The following GSTM5 variants were observed in gnomAD, a reference collection of about 807,000 sequenced individuals.
GSTM5 encodes the protein glutathione S-transferase mu 5.
A neutral mutation model predicts 29.0 loss-of-function variants in GSTM5; 24 were observed. The observed-to-expected ratio is 0.83, with a 90% CI of 0.60 to 1.16. The LOEUF (loss-of-function observed/expected upper bound fraction) is 1.16. Ranked by LOEUF, GSTM5 falls within the 50% of genes most tolerant of loss-of-function variation. The pLI is 0.00. For missense variants in GSTM5, 290 were observed against 263.0 expected (o/e 1.10, Z -0.71); for synonymous variants, 91 against 93.6 (o/e 0.97, Z 0.16).
At chr1:109,713,845 A>G (rs959412127) in intron 5 of GSTM5, 84 bp downstream of exon 5, 2 of 1,018,024 alleles carry the variant, frequency 2.0e-6, no homozygotes, top group African/African-American at 3.3e-5. Context: ...TCAGGTCTGT[A>G]GCAGACTCCG....
At position 109,717,733 on chromosome 1, in the gene GSTM5, TCTCTG is replaced by T. The variant is rs1648802893; in HGVS notation, c.*308_*312del. On this transcript the variant is annotated 3_prime_UTR_variant, in exon 8 of 8. Coordinates refer to ENST00000256593, the MANE Select transcript of GSTM5 (RefSeq NM_000851.4). ...TCTCTTCTTTGAGAAGCCAGACTGA[TCTCTG>T]AGCTCCCTAGCACTGTCCTCAAAGA... 2 of 352,950 alleles carry T rather than the reference TCTCTG, an allele frequency of 5.7e-6. No homozygotes were observed. Among genetic ancestry groups the T allele is most frequent in the African/African-American group, 4.2e-5 (2 of 47,208 alleles). The allele number at this position is 352,950 out of a possible 1,614,324, so 21.9% of individuals were successfully genotyped here. A position where few individuals can be genotyped will look rare whatever the true frequency, so the allele number is the denominator to read the frequency against.
At chr1:109,714,841 A>G in intron 5 of GSTM5, 106 bp from the exon 6 acceptor site, 1 of 1,028,940 alleles carries the variant, frequency 9.7e-7, no homozygotes, top group Middle Eastern at 2.9e-4. Context: ...TGTGGGGAAG[A>G]TGGCTGCTTG....
At chr1:109,712,390 C>G in intron 1 of GSTM5, 42 bp downstream of exon 1, 1 of 1,477,422 alleles carries the variant, frequency 6.8e-7, no homozygotes, top group Non-Finnish European at 9.2e-7. Flanking sequence ...GGGGCGGAGG[C>G]GGGGATGTGT....
chr1:109,717,321 T>C lies in GSTM5; in HGVS notation c.568-16T>C, dbSNP rs767522090. 6.2e-7 allele frequency: 1 copy of C among 1,607,262 alleles called. No individual in the cohort carries two copies. The highest frequency in any genetic ancestry group is 1.3e-5 in the African/African-American group (1 of 74,886). ...AGACAGCAGACCTGGCTCTGGCCCCTTCTTCCCGCCCTCAGGGTTTGAAGA... is the reference window on the plus strand; with the variant it reads ...AGACAGCAGACCTGGCTCTGGCCCCCTCTTCCCGCCCTCAGGGTTTGAAGA... On this transcript the variant is annotated splice_polypyrimidine_tract_variant and intron_variant, in intron 7 of 7. Coordinates refer to ENST00000256593, the MANE Select transcript of GSTM5 (RefSeq NM_000851.4).
At chr1:109,715,907 T>G in intron 7 of GSTM5, 1 of 738,298 alleles carries the variant, frequency 1.4e-6, no homozygotes, top group South Asian at 1.4e-5. Context: ...CTTCCTCTCT[T>G]TTTTTCCCTC....
Position 109,717,724 on chromosome 1 carries a change from C to T in GSTM5, c.*298C>T. ...CAGTGCTTTTCTCTTCTTTGAGAAG[C>T]CAGACTGATCTCTGAGCTCCCTAGC... On this transcript the variant is annotated 3_prime_UTR_variant, in exon 8 of 8. Transcript: ENST00000256593. 2 of 360,732 alleles carry T rather than the reference C, an allele frequency of 5.5e-6. No homozygotes were observed. Among genetic ancestry groups the T allele is most frequent in the South Asian group, 4.9e-5 (2 of 41,210 alleles). The allele number at this position is 360,732 out of a possible 1,614,324, so 22.3% of individuals were successfully genotyped here.
At chr1:109,713,830 C>T in intron 5 of GSTM5, 69 bp downstream of exon 5, 2 of 1,361,518 alleles carry the variant, frequency 1.5e-6, no homozygotes, top group Non-Finnish European at 2.1e-6. Flanking sequence ...GAGGGACTTC[C>T]AAAGTCAGGT....
intron 2 of GSTM5, chr1:109,712,917 C>T (rs1189649889): frequency 1.2e-6 from 1 of 856,024 alleles, no homozygotes; most frequent in African/African-American, 1.7e-5. Flanking sequence ...TCAGAGCTTC[C>T]CTAAACCCTG....
intron 7 of GSTM5, chr1:109,715,955 C>T (rs1451020902): frequency 1.8e-5 from 16 of 902,330 alleles, no homozygotes; most frequent in African/African-American, 6.7e-5. Flanking sequence ...ATGAGTAGCA[C>T]ACTGATTTTA....
chr1:109,712,362 C>T lies in GSTM5; in HGVS notation c.36+14C>T, dbSNP rs758458400. Reference sequence around the variant, plus strand: ...GACATCCGTGGGGTAAGCGAGGGTCCTCTGGTGGGTGGGACAGGGGGCGGA... The same window carrying T: ...GACATCCGTGGGGTAAGCGAGGGTCTTCTGGTGGGTGGGACAGGGGGCGGA... On this transcript the variant is annotated intron_variant, in intron 1 of 7. Coordinates refer to ENST00000256593, the MANE Select transcript of GSTM5 (RefSeq NM_000851.4). 9 of 1,613,502 alleles carry T rather than the reference C, an allele frequency of 5.6e-6. No individual in the cohort carries two copies. In the Admixed American group the frequency reaches 1.2e-4, roughly 21 times the overall value.
At chr1:109,714,818 C>G (rs937007357) in intron 5 of GSTM5, 129 bp from the exon 6 acceptor site, 2 of 840,428 alleles carry the variant, frequency 2.4e-6, no homozygotes, top group African/African-American at 3.4e-5. Flanking sequence ...CTGGGCACTG[C>G]CCCGGTTTTA....
At position 109,715,241 on chromosome 1, in the gene GSTM5, G is replaced by A. The variant is rs773305763; in HGVS notation, c.567+1G>A. 28 of 1,614,106 alleles carry A rather than the reference G, an allele frequency of 1.7e-5. No individual in the cohort carries two copies. The highest frequency in any genetic ancestry group is 2.4e-5 in the Non-Finnish European group (28 of 1,180,052). ...GAAGGACTTCATCTCCCGCTTTGAGGTGATGCCCCCATCCTCCTTTCTCTT... is the reference window on the plus strand; with the variant it reads ...GAAGGACTTCATCTCCCGCTTTGAGATGATGCCCCCATCCTCCTTTCTCTT... On this transcript the variant is annotated splice_donor_variant, in intron 7 of 7. Transcript: ENST00000256593. LOFTEE classifies it high-confidence loss of function.
At chr1:109,712,389 G>GC in intron 1 of GSTM5, 41 bp downstream of exon 1, 1 of 1,606,254 alleles carries the variant, frequency 6.2e-7, no homozygotes, top group South Asian at 1.1e-5. Flanking sequence ...GGGGGCGGAG[G>GC]CGGGGATGTG....
At chr1:109,711,906 G>A (rs1648521391), upstream of GSTM5, among the ~76,000 whole-genome samples, 1 of 134,766 alleles carries the variant, frequency 7.4e-6, no homozygotes, top group Non-Finnish European at 1.7e-5. Context: ...GCGGAGAGAA[G>A]GCTGAGGGAT....
In GSTM5 at chr1:109,712,599, C is replaced by G. The variant is rs374387077; in HGVS notation, c.37-19C>G. On this transcript the variant is annotated intron_variant, in intron 1 of 7. Coordinates refer to ENST00000256593, the MANE Select transcript of GSTM5 (RefSeq NM_000851.4). ...GGGACCCTCCATCTCTGACCCGAGC[C>G]GCGGGCCATCTCTCCCAGCTGGCCC... The G allele has an allele frequency of 1.2e-6, 2 of 1,613,634 alleles. No homozygotes were observed. Among genetic ancestry groups the G allele is most frequent in the Non-Finnish European group, 1.7e-6 (2 of 1,179,624 alleles).
In GSTM5 at chr1:109,717,363, GA is replaced by G. The variant is rs770490142; in HGVS notation, c.596del (p.Lys199SerfsTer24). On this transcript the variant is annotated frameshift_variant, in exon 8 of 8. Coordinates refer to ENST00000256593, the MANE Select transcript of GSTM5 (RefSeq NM_000851.4). LOFTEE classifies it high-confidence loss of function. ...EGLKKISAYM[K>X]SSQFLRGLLF... The stretch of plus-strand genomic sequence containing the variant: ...GTTTGAAGAAGATCTCTGCCTACAT[GA>G]AGTCCAGCCAATTCCTCCGAGGTCT... The G allele has an allele frequency of 6.8e-6, 11 of 1,613,870 alleles. No individual in the cohort carries two copies. Among genetic ancestry groups the G allele is most frequent in the Non-Finnish European group, 8.5e-6 (10 of 1,179,910 alleles).
chr1:109,713,454 C>T, intron 3 of GSTM5, 30 bp from the exon 4 acceptor site: 2 of 1,614,178 alleles, frequency 1.2e-6, no homozygotes, highest in Non-Finnish European at 1.7e-6. Flanking sequence ...GGTGGCCCAA[C>T]TGAGCTTCCC....
intron 5 of GSTM5, chr1:109,714,728 G>A (rs1290203849): frequency 6.7e-6 from 4 of 600,166 alleles, no homozygotes; most frequent in Non-Finnish European, 3.0e-6. Context: ...GATTCAGGAA[G>A]AGCATCTCAT....
upstream of GSTM5, chr1:109,712,170 G>C (rs1422826485): frequency 4.5e-6 from 4 of 891,280 alleles, no homozygotes; most frequent in Admixed American, 7.3e-5. Flanking sequence ...TCGCTCGGGG[G>C]CCTACAGAAT....
Sources: gnomAD v4.1 joint callset for allele counts (sites outside exome capture counted in the v4.1 genomes callset) on GRCh38, gnomAD v4.1.1 for gene constraint, MANE v1.5 for transcripts, NCBI Gene and HGNC (gene_info 2026-07-23, HGNC 2026-07-21) for gene names.